Variants in TUBE1 observed in about 807,000 individuals in gnomAD.
TUBE1 encodes the protein tubulin epsilon chain.
TUBE1 carries 34 observed loss-of-function variants against 53.5 expected under a neutral mutation model. The observed-to-expected ratio is 0.64, with a 90% CI of 0.48 to 0.85. The LOEUF (loss-of-function observed/expected upper bound fraction) is 0.85. TUBE1 is among the 40% of genes least tolerant of loss of function. The pLI is 0.00. For synonymous variants in TUBE1, 177 were observed against 198.4 expected, an observed-to-expected ratio of 0.89 and a Z score of 0.91; for missense variants, 532 against 570.5, an observed-to-expected ratio of 0.93 and a Z score of 0.69.
chr6:112,083,416 T>G (rs1435774965), intron 4 of TUBE1, among the ~76,000 whole-genome samples: 2 of 151,560 alleles, frequency 1.3e-5, no homozygotes, highest in Non-Finnish European at 2.9e-5. Flanking sequence ...CCCCCGGGGT[T>G]CACGCCATTT....
chr6:112,071,726 T>C lies in TUBE1; in HGVS notation c.1270-156A>G, dbSNP rs1776869148. Among the ~76,000 whole-genome samples, 3 of 152,210 alleles carry C rather than the reference T, an allele frequency of 2.0e-5. 1 individual carries two copies. The South Asian group carries it at 6.2e-4, about 32-fold the overall frequency. On this transcript the variant is annotated intron_variant, in intron 11 of 11. Transcript: ENST00000368662. ...AAATTGAATGAATCCTATAAACTCA[T>C]GAATTTTCTCATTTAGAGTAAAAGT...
intron 3 of TUBE1, chr6:112,085,352 C>G (rs1042598098): frequency 3.1e-5 from 5 of 162,958 alleles, no homozygotes; most frequent in African/African-American, 1.2e-4. Flanking sequence ...TAATAGTGCT[C>G]TCAGGTTAAA....
At position 112,076,419 on chromosome 6, in the gene TUBE1, G is replaced by T. The variant is rs1260851248; in HGVS notation, c.539C>A (p.Ser180Tyr). The change falls in exon 7 of 12, where the codon TCT becomes TAT. Residue 180 changes from serine (S) to tyrosine (Y), a missense_variant. Ser to Tyr is a moderately radical substitution (Grantham distance 144). Coordinates refer to ENST00000368662, the MANE Select transcript of TUBE1 (RefSeq NM_016262.5). ...VYRFVTSIYP[S>Y]GEDDVITSPY... ...TGAGGTTATGACATCATCCTCACCA[G>T]AAGGATAAATGGAAGTCACAAATCT... The T allele has an allele frequency of 6.2e-7, 1 of 1,613,484 alleles. No individual in the cohort carries two copies.
At chr6:112,072,447 G>GTAGTAGTAGTACTACTA (rs1209242662) in intron 10 of TUBE1, among the ~76,000 whole-genome samples, 40 of 152,202 alleles carry the variant, frequency 2.6e-4, no homozygotes, top group Non-Finnish European at 5.3e-4. Context: ...AAAATCAGAA[G>GTAGTAGTAGTACTACTA]TAGTAGTAGT....
chr6:112,072,632 A>T, intron 10 of TUBE1, 126 bp downstream of exon 10: 2 of 856,922 alleles, frequency 2.3e-6, no homozygotes, highest in Non-Finnish European at 3.5e-6. Flanking sequence ...GAGACTAAGT[A>T]GTTTGTTCAC....
intron 6 of TUBE1, chr6:112,079,421 T>TAAAAA (rs60207053): frequency 6.8e-5 from 21 of 310,962 alleles, no homozygotes; most frequent in African/African-American, 1.0e-4. Flanking sequence ...GGGCTTACAT[T>TAAAAA]AAAAAAAAAA....
chr6:112,082,575 A>T (rs1777087327), intron 4 of TUBE1, among the ~76,000 whole-genome samples: 1 of 152,226 alleles, frequency 6.6e-6, no homozygotes, highest in Non-Finnish European at 1.5e-5. Context: ...TGATAGAATC[A>T]TCACTGTCCT....
intron 11 of TUBE1, 133 bp downstream of exon 11, chr6:112,071,766 TCTC>T (rs1776869906): frequency 1.0e-5 from 10 of 973,742 alleles, no homozygotes; most frequent in Admixed American, 3.0e-5. Context: ...TGAGTAAGCC[TCTC>T]CTCTTCAGTT....
intron 6 of TUBE1, 35 bp from the exon 7 acceptor site, chr6:112,076,544 A>G (rs1776974306): frequency 3.9e-6 from 6 of 1,521,458 alleles, no homozygotes; most frequent in Non-Finnish European, 4.4e-6. Context: ...ATTAGCATAA[A>G]TGATTCAGAA....
chr6:112,073,737 G>C (rs1554315659), intron 9 of TUBE1, among the ~76,000 whole-genome samples: 1 of 152,126 alleles, frequency 6.6e-6, no homozygotes, highest in Non-Finnish European at 1.5e-5. Flanking sequence ...TTATAAAAAA[G>C]AATCTTTAGT....
chr6:112,071,251 G>A lies in TUBE1; in HGVS notation c.*161C>T. ...AAGATTTCACTAATTTCACACATTG[G>A]TATTACCAACAAATTGCGATTAAAC... On this transcript the variant is annotated 3_prime_UTR_variant, in exon 12 of 12. Coordinates refer to ENST00000368662, the MANE Select transcript of TUBE1 (RefSeq NM_016262.5). The A allele has an allele frequency of 3.4e-6, 2 of 581,826 alleles. No homozygotes were observed. The highest frequency in any genetic ancestry group is 5.8e-5 in the East Asian group (2 of 34,616). 36.0% of individuals were successfully genotyped at this position (581,826 alleles called of 1,614,324 possible).
chr6:112,084,191 G>T lies in TUBE1; in HGVS notation c.208C>A (p.Arg70=). ...GAATCCAAGCATATGTATCTTACTC[G>T]TGCTTTTAAAGAACATATTTTTCCC... The part of the protein sequence containing the change: ...SKGKICSLKA[R]AVLIDMEEGV... The change falls in exon 4 of 12, where the codon CGA becomes AGA. Residue 70 remains arginine (R), a splice_region_variant and synonymous_variant. Coordinates refer to ENST00000368662, the MANE Select transcript of TUBE1 (RefSeq NM_016262.5). 1.9e-6 allele frequency: 3 copies of T among 1,606,652 alleles called. No individual in the cohort carries two copies. The highest frequency in any genetic ancestry group is 2.6e-6 in the Non-Finnish European group (3 of 1,173,496).
rs945225061 is a variant in TUBE1, at chr6:112,071,446, A to G, written c.1394T>C (p.Val465Ala). The G allele has an allele frequency of 1.9e-6, 3 of 1,607,150 alleles. No individual in the cohort carries two copies. Among genetic ancestry groups the G allele is most frequent in the Non-Finnish European group, 2.6e-6 (3 of 1,175,442 alleles). Residue 465 changes from valine (V) to alanine (A), a missense_variant, in exon 12 of 12, where the codon GTG becomes GCG. By Grantham distance (64) the Val-to-Ala change is moderately conservative. Transcript: ENST00000368662. ...TATGCTTAGTCTGGGTAAATCCTGC[A>G]CAGGCATGTTTTTTGTGGCGTCCAG... ...DQLDATKNMP[V>A]QDLPRLSIAM
chr6:112,074,789 G>T lies in TUBE1; in HGVS notation c.874C>A (p.Pro292Thr). Reference sequence around the variant, plus strand: ...ACGAGATAATGAAGTTGAGGAAAAGGAACTAAATTCATGCTGATTTCATTA... The same window carrying T: ...ACGAGATAATGAAGTTGAGGAAAAGTAACTAAATTCATGCTGATTTCATTA... ...DLNEISMNLV[P>T]FPQLHYLVSS... The change falls in exon 9 of 12, where the codon CCT becomes ACT. Residue 292 changes from proline (P) to threonine (T), a missense_variant. By Grantham distance (38) the Pro-to-Thr change is conservative (BLOSUM62 -1). Coordinates refer to ENST00000368662, the MANE Select transcript of TUBE1 (RefSeq NM_016262.5). 2 of 1,607,714 alleles carry T rather than the reference G, an allele frequency of 1.2e-6. No individual in the cohort carries two copies. Among genetic ancestry groups the T allele is most frequent in the South Asian group, 1.1e-5 (1 of 90,078 alleles).
chr6:112,083,691 G>A (rs782770991), intron 4 of TUBE1, among the ~76,000 whole-genome samples: 10 of 152,128 alleles, frequency 6.6e-5, no homozygotes, highest in South Asian at 2.1e-4. Context: ...AAAGTAGTTC[G>A]TTACAGACAA....
chr6:112,072,166 A>G, intron 10 of TUBE1, 90 bp from the exon 11 acceptor site: 1 of 926,964 alleles, frequency 1.1e-6, no homozygotes, highest in South Asian at 1.8e-5. Flanking sequence ...GTTAAACCAG[A>G]ACATTATGGA....
chr6:112,079,481 T>G (rs1583595746), intron 6 of TUBE1, 152 bp downstream of exon 6: 1 of 557,862 alleles, frequency 1.8e-6, no homozygotes, highest in East Asian at 3.4e-5. Context: ...AATTTTAAGA[T>G]AAAAAGGTGT....
chr6:112,079,575 A>G (rs781934388), intron 6 of TUBE1, 58 bp downstream of exon 6: 16 of 1,578,154 alleles, frequency 1.0e-5, no homozygotes, highest in South Asian at 8.1e-5. Context: ...TACGTTTGCA[A>G]AATGAATTCC....
chr6:112,083,322 T>C (rs1554316965), intron 4 of TUBE1, among the ~76,000 whole-genome samples: 2 of 131,014 alleles, frequency 1.5e-5, no homozygotes, highest in African/African-American at 7.3e-5. Flanking sequence ...TCCATAACAT[T>C]TTTTTTTTTT....
Sources: allele counts gnomAD v4.1 joint callset (sites outside exome capture counted in the v4.1 genomes callset), GRCh38; gene constraint gnomAD v4.1.1; transcripts MANE v1.5; gene names NCBI Gene and HGNC (gene_info 2026-07-23, HGNC 2026-07-21).